Variants in KCNQ5 observed in about 807,000 individuals in gnomAD.
KCNQ5 encodes the protein potassium voltage-gated channel subfamily Q member 5, also known as potassium voltage-gated channel subfamily KQT member 5.
KCNQ5 carries 30 observed loss-of-function variants against 98.2 expected under a neutral mutation model. The ratio of observed to expected loss-of-function variants is 0.31; its 90% CI spans 0.23 to 0.41. The LOEUF is 0.41. Among genes scored for constraint, KCNQ5 ranks in the 10% least tolerant of loss-of-function variants. The probability of loss-of-function intolerance (pLI) is 1.00; values close to 1 mark genes in which losing one functional copy is unlikely to be tolerated. For synonymous variants in KCNQ5, 458 were observed against 449.4 expected, an observed-to-expected ratio of 1.02 and a Z score of -0.24; for missense variants, 835 against 1,182.5, an observed-to-expected ratio of 0.71 and a Z score of 4.31.
chr6:73,155,498 G>A (rs1325411943), intron 10 of KCNQ5, among the ~76,000 whole-genome samples: 2 of 152,198 alleles, frequency 1.3e-5, no homozygotes, highest in Admixed American at 6.5e-5. Context: ...TAGGAAAGCA[G>A]TTGGAATTTG....
chr6:73,104,573 C>T (rs1774927631), intron 5 of KCNQ5, among the ~76,000 whole-genome samples: 1 of 152,100 alleles, frequency 6.6e-6, no homozygotes, highest in African/African-American at 2.4e-5. Context: ...CCCTAGATCA[C>T]CTTCTTTATC....
intron 11 of KCNQ5, among the ~76,000 whole-genome samples, chr6:73,172,589 G>T (rs149871693): frequency 6.6e-5 from 10 of 152,224 alleles, no homozygotes; most frequent in African/African-American, 2.2e-4. Flanking sequence ...TTTTCCTAAG[G>T]TGTTTAATTA....
At chr6:73,007,456 G>A (rs6453615) in intron 2 of KCNQ5, among the ~76,000 whole-genome samples, 100,145 of 152,108 alleles carry the variant, frequency 0.66, 36,675 homozygotes, top group Non-Finnish European at 0.82. Flanking sequence ...GGAATCACCA[G>A]GATTCTGTCT....
At chr6:72,797,969 CAAAT>C (rs987969868) in intron 1 of KCNQ5, among the ~76,000 whole-genome samples, 11 of 152,120 alleles carry the variant, frequency 7.2e-5, no homozygotes, top group Middle Eastern at 3.4e-3. Context: ...TGAGGAAAAA[CAAAT>C]AAATGTGAAA....
intron 3 of KCNQ5, among the ~76,000 whole-genome samples, chr6:73,049,876 A>C (rs1346765317): frequency 1.3e-5 from 2 of 152,110 alleles, no homozygotes; most frequent in Non-Finnish European, 2.9e-5. Flanking sequence ...TCTAGGGGCC[A>C]TTGTCTAAAG....
chr6:72,866,462 C>T (rs1464438964), intron 1 of KCNQ5, among the ~76,000 whole-genome samples: 4 of 152,008 alleles, frequency 2.6e-5, no homozygotes, highest in Middle Eastern at 6.8e-3. Flanking sequence ...ACAATGTTGC[C>T]CAGGCTGGTC....
intron 1 of KCNQ5, among the ~76,000 whole-genome samples, chr6:72,644,522 G>T (rs1014187809): frequency 2.0e-5 from 3 of 152,024 alleles, no homozygotes; most frequent in Admixed American, 6.6e-5. Flanking sequence ...TAACTTAGAG[G>T]TTACAAATCA....
At chr6:72,871,347 G>A (rs922703590) in intron 1 of KCNQ5, among the ~76,000 whole-genome samples, 1 of 152,080 alleles carries the variant, frequency 6.6e-6, no homozygotes, top group Non-Finnish European at 1.5e-5. Context: ...GAAATTCTGG[G>A]AAACAAATGA....
chr6:72,882,219 C>G (rs1581951307), intron 1 of KCNQ5, among the ~76,000 whole-genome samples: 1 of 152,158 alleles, frequency 6.6e-6, no homozygotes. Flanking sequence ...ATATGTGATG[C>G]CACTTCAAAG....
intron 1 of KCNQ5, among the ~76,000 whole-genome samples, chr6:72,759,359 AG>A (rs1382570748): frequency 1.3e-5 from 2 of 152,142 alleles, no homozygotes; most frequent in Non-Finnish European, 1.5e-5. Context: ...TCCAGTTATA[AG>A]GGAAAAAAAA....
At chr6:72,756,723 C>A (rs996747102) in intron 1 of KCNQ5, among the ~76,000 whole-genome samples, 1 of 151,864 alleles carries the variant, frequency 6.6e-6, no homozygotes, top group African/African-American at 2.4e-5. Flanking sequence ...GCCTAAATTT[C>A]TATTTATTAC....
At chr6:73,112,147 A>G (rs1775265569) in intron 7 of KCNQ5, among the ~76,000 whole-genome samples, 1 of 152,104 alleles carries the variant, frequency 6.6e-6, no homozygotes, top group South Asian at 2.1e-4. Flanking sequence ...TTCATAATGT[A>G]GAGTTGACAT....
At chr6:73,163,594 A>G (rs1777691889) in intron 10 of KCNQ5, among the ~76,000 whole-genome samples, 1 of 152,110 alleles carries the variant, frequency 6.6e-6, no homozygotes, top group South Asian at 2.1e-4. Flanking sequence ...TAAAAATACA[A>G]AAAATTAGCT....
chr6:72,944,837 C>T (rs1403029860), intron 1 of KCNQ5, among the ~76,000 whole-genome samples: 1 of 152,198 alleles, frequency 6.6e-6, no homozygotes, highest in African/African-American at 2.4e-5. Context: ...AAAGGATGCA[C>T]TGATCATGTT....
At chr6:73,025,813 C>A (rs551285405) in intron 2 of KCNQ5, among the ~76,000 whole-genome samples, 2 of 152,214 alleles carry the variant, frequency 1.3e-5, no homozygotes, top group East Asian at 3.9e-4. Context: ...CAAAGACATT[C>A]TTGGAAACTT....
rs533553669 is a variant in KCNQ5, at chr6:73,001,142, T to C, written c.399-2766T>C. Among the ~76,000 whole-genome samples, 9 of 152,340 alleles carry C rather than the reference T, an allele frequency of 5.9e-5. No individual in the cohort carries two copies. The East Asian group carries it at 1.2e-3, about 20-fold the overall frequency. On this transcript the variant is annotated intron_variant, in intron 1 of 13. Coordinates refer to ENST00000370398, the MANE Select transcript of KCNQ5 (RefSeq NM_019842.4). Reference sequence around the variant, plus strand: ...AAAGACCATCTCAAACACCATCTTTTTTTTGGAACACTTCTTGATGTGCTC... The same window carrying C: ...AAAGACCATCTCAAACACCATCTTTCTTTTGGAACACTTCTTGATGTGCTC...
chr6:72,891,634 G>T (rs922253393), intron 1 of KCNQ5, among the ~76,000 whole-genome samples: 1 of 152,008 alleles, frequency 6.6e-6, no homozygotes, highest in Non-Finnish European at 1.5e-5. Flanking sequence ...AAAAATAATG[G>T]AGTTGCATAA....
chr6:72,855,398 C>G (rs1253867272), intron 1 of KCNQ5, among the ~76,000 whole-genome samples: 3 of 151,640 alleles, frequency 2.0e-5, no homozygotes, highest in African/African-American at 4.8e-5. Flanking sequence ...AATGGCAATA[C>G]AAATAAAGAA....
chr6:73,153,802 A>G (rs1271394534), intron 10 of KCNQ5, among the ~76,000 whole-genome samples: 3 of 152,096 alleles, frequency 2.0e-5, no homozygotes, highest in African/African-American at 7.2e-5. Context: ...TATGTCAAGA[A>G]TGTCATAATA....
Sources: gnomAD v4.1 joint callset for allele counts (sites outside exome capture counted in the v4.1 genomes callset) on GRCh38, gnomAD v4.1.1 for gene constraint, MANE v1.5 for transcripts, NCBI Gene and HGNC (gene_info 2026-07-23, HGNC 2026-07-21) for gene names.